The following FAT4 variants were observed in gnomAD, a reference collection of about 807,000 sequenced individuals.
FAT4 encodes FAT atypical cadherin 4.
In FAT4, 84 loss-of-function variants were observed where a neutral mutation model predicts 303.9. That is an observed-to-expected ratio of 0.28 (90% CI 0.23 to 0.33). The LOEUF (loss-of-function observed/expected upper bound fraction) is 0.33, where lower values mean the gene tolerates loss of function less well. FAT4 is among the 10% of genes least tolerant of loss of function. The pLI, the probability that FAT4 is intolerant of heterozygous loss-of-function variation, is 1.00. For missense variants in FAT4, 6,005 were observed against 6,146.8 expected, an observed-to-expected ratio of 0.98 and a Z score of 0.77; for synonymous variants, 2,307 against 2,298.8, an observed-to-expected ratio of 1.00 and a Z score of -0.10.
intron 5 of FAT4, among the ~76,000 whole-genome samples, chr4:125,413,392 G>T (rs1734919412): frequency 6.6e-6 from 1 of 151,706 alleles, no homozygotes; most frequent in Non-Finnish European, 1.5e-5. Context: ...TTGTTCACTT[G>T]TGAGTAGTCT....
At chr4:125,404,842 T>C (rs1734526199) in intron 3 of FAT4, among the ~76,000 whole-genome samples, 1 of 152,160 alleles carries the variant, frequency 6.6e-6, no homozygotes, top group African/African-American at 2.4e-5. Flanking sequence ...TGTCCTTCTG[T>C]GACTATCTAA....
intron 2 of FAT4, among the ~76,000 whole-genome samples, chr4:125,341,481 G>A (rs891568798): frequency 3.3e-5 from 5 of 151,874 alleles, no homozygotes; most frequent in East Asian, 1.9e-4. Flanking sequence ...ATGATGAGGG[G>A]TATAGTAATG....
rs550319520 is a variant in FAT4, at chr4:125,397,017, G to T, written c.5176-1767G>T. On this transcript the variant is annotated intron_variant, in intron 2 of 17. Coordinates refer to ENST00000394329, the MANE Select transcript of FAT4 (RefSeq NM_001291303.3). ...AAAGCTCTTCCCACATGAAAACTCA[G>T]TGTACATTCAGTATGTGCCAGTTGA... Among the ~76,000 whole-genome samples the T allele has an allele frequency of 4.1e-4, 61 of 150,574 alleles. 1 individual carries two copies. In the South Asian group the frequency reaches 0.012, roughly 30 times the overall value.
chr4:125,409,841 G>A (rs1734775843), intron 5 of FAT4, among the ~76,000 whole-genome samples: 1 of 152,106 alleles, frequency 6.6e-6, no homozygotes, highest in East Asian at 1.9e-4. Flanking sequence ...ATTAGTACGT[G>A]TTTTTCCCTT....
At position 125,450,775 on chromosome 4, in the gene FAT4, A is replaced by T; in HGVS notation, c.9765A>T (p.Gln3255His). ...IDPNTGVITT[Q>H]GFLDFETKQS... Reference sequence around the variant, plus strand: ...CTAACACAGGAGTCATAACCACTCAAGGCTTCTTGGATTTTGAAACCAAGC... The same window carrying T: ...CTAACACAGGAGTCATAACCACTCATGGCTTCTTGGATTTTGAAACCAAGC... Residue 3255 changes from glutamine (Q) to histidine (H), a missense_variant, in exon 10 of 18, where the codon CAA becomes CAT. Coordinates refer to ENST00000394329, the MANE Select transcript of FAT4 (RefSeq NM_001291303.3). The T allele has an allele frequency of 6.2e-7, 1 of 1,614,102 alleles. No homozygotes were observed. Among genetic ancestry groups the T allele is most frequent in the African/African-American group, 1.3e-5 (1 of 75,032 alleles).
chr4:125,435,650 C>T (rs1240815651), intron 8 of FAT4, among the ~76,000 whole-genome samples: 1 of 152,120 alleles, frequency 6.6e-6, no homozygotes, highest in South Asian at 2.1e-4. Context: ...GAATTAATCT[C>T]GTTGTTTTAT....
At chr4:125,461,157 C>T (rs988135990) in intron 10 of FAT4, among the ~76,000 whole-genome samples, 3 of 151,956 alleles carry the variant, frequency 2.0e-5, no homozygotes, top group Non-Finnish European at 2.9e-5. Context: ...TCTGGAGTAA[C>T]TGCAATAGCC....
At chr4:125,402,251 A>G (rs1443679896) in intron 3 of FAT4, among the ~76,000 whole-genome samples, 2 of 152,112 alleles carry the variant, frequency 1.3e-5, no homozygotes, top group Non-Finnish European at 1.5e-5. Context: ...TTGTAATAGC[A>G]TTAAATAGGT....
At chr4:125,399,405 AT>A in intron 3 of FAT4, among the ~76,000 whole-genome samples, 1 of 151,890 alleles carries the variant, frequency 6.6e-6, no homozygotes, top group East Asian at 1.9e-4. Context: ...ATACTTTGTG[AT>A]TTGTATTTTT....
At chr4:125,432,535 A>T (rs1725315818) in intron 7 of FAT4, among the ~76,000 whole-genome samples, 1 of 152,184 alleles carries the variant, frequency 6.6e-6, no homozygotes, top group African/African-American at 2.4e-5. Context: ...TCCTACATTC[A>T]TATCTATTTT....
intron 2 of FAT4, among the ~76,000 whole-genome samples, chr4:125,359,945 C>G (rs1732589084): frequency 6.6e-6 from 1 of 152,114 alleles, no homozygotes; most frequent in African/African-American, 2.4e-5. Flanking sequence ...TCTGAAAACA[C>G]TACTTATTGA....
chr4:125,450,936 T>G lies in FAT4; in HGVS notation c.9926T>G (p.Ile3309Ser). ...GTTTCCAAACTTTACTATTTTGAAA[T>G]CTCAGAAGCAGCTCCTAAAGGTACT... ...RFVSKLYYFE[I>S]SEAAPKGTIV... is the part of the protein sequence containing the mutation. Residue 3309 changes from isoleucine (I) to serine (S), a missense_variant, in exon 10 of 18, where the codon ATC (isoleucine) becomes AGC (serine). Transcript: ENST00000394329. 1 of 1,614,138 alleles carries G rather than the reference T, an allele frequency of 6.2e-7. No homozygotes were observed. Among genetic ancestry groups the G allele is most frequent in the Non-Finnish European group, 8.5e-7 (1 of 1,180,008 alleles).
rs1385598857 is a variant in FAT4, at chr4:125,449,657, T to A, written c.8647T>A (p.Cys2883Ser). 1.2e-6 allele frequency: 2 copies of A among 1,613,886 alleles called. No homozygotes were observed. The highest frequency in any genetic ancestry group is 1.7e-6 in the Non-Finnish European group (2 of 1,179,946). The part of the protein sequence containing the change: ...RFSRTSYYLD[C>S]PELTEIGSKV... ...TAGCAGAACTTCCTATTATTTAGAT[T>A]GCCCTGAACTTACTGAGATTGGCTC... is the stretch of plus-strand genomic sequence containing the variant. The change falls in exon 10 of 18, where the codon TGC becomes AGC. Residue 2883 changes from cysteine (C) to serine (S), a missense_variant. Transcript: ENST00000394329.
intron 2 of FAT4, among the ~76,000 whole-genome samples, chr4:125,365,543 T>C (rs964770929): frequency 1.3e-5 from 2 of 152,212 alleles, no homozygotes; most frequent in African/African-American, 4.8e-5. Context: ...ATTAGGTTCT[T>C]GTTATTTCTG....
Position 125,449,288 on chromosome 4 carries a change from A to G in FAT4, c.8278A>G (p.Lys2760Glu). The change falls in exon 10 of 18, where the codon AAA becomes GAA. Residue 2760 changes from lysine to glutamate, a missense_variant. Physicochemically the swap from Lys to Glu is moderately conservative, Grantham distance 56 (BLOSUM62 1). Transcript: ENST00000394329. ...GTCCCCGTCTCAGAGTACTTCAGTAAAAGTCATGATTAACATTTTAGATGA... is the reference window on the plus strand; with the variant it reads ...GTCCCCGTCTCAGAGTACTTCAGTAGAAGTCATGATTAACATTTTAGATGA... ...KGSPSQSTSVKVMINILDEND... is the reference protein window; with the variant it reads ...KGSPSQSTSVEVMINILDEND... 6.2e-7 allele frequency: 1 copy of G among 1,614,014 alleles called. No homozygotes were observed. The highest frequency in any genetic ancestry group is 8.5e-7 in the Non-Finnish European group (1 of 1,179,936).
chr4:125,440,296 T>A (rs1266156902), intron 8 of FAT4, among the ~76,000 whole-genome samples: 1 of 152,074 alleles, frequency 6.6e-6, no homozygotes, highest in East Asian at 1.9e-4. Flanking sequence ...AGTCTGATTT[T>A]TTTTTTCCTT....
intron 2 of FAT4, among the ~76,000 whole-genome samples, chr4:125,383,762 T>A (rs1733627705): frequency 6.6e-6 from 1 of 152,124 alleles, no homozygotes; most frequent in Non-Finnish European, 1.5e-5. Context: ...ACTCTGAGAT[T>A]TACAAGGGAC....
At chr4:125,397,412 T>C (rs959786140) in intron 2 of FAT4, among the ~76,000 whole-genome samples, 2 of 152,046 alleles carry the variant, frequency 1.3e-5, no homozygotes, top group Non-Finnish European at 2.9e-5. Context: ...TGGAAATGCA[T>C]CTTCCAGGCT....
chr4:125,323,711 T>C (rs1056286757), intron 2 of FAT4, among the ~76,000 whole-genome samples: 1 of 152,226 alleles, frequency 6.6e-6, no homozygotes, highest in African/African-American at 2.4e-5. Flanking sequence ...AATAAAGTGC[T>C]GTTTTCCTTC....
Sources: gnomAD v4.1 joint callset for allele counts (sites outside exome capture counted in the v4.1 genomes callset) on GRCh38, gnomAD v4.1.1 for gene constraint, MANE v1.5 for transcripts, NCBI Gene and HGNC (gene_info 2026-07-23, HGNC 2026-07-21) for gene names.